Variants in DIAPH2 observed in about 807,000 individuals in gnomAD.
DIAPH2 encodes protein diaphanous homolog 2.
DIAPH2 carries 35 observed loss-of-function variants against 92.7 expected under a neutral mutation model. The observed-to-expected ratio is 0.38, with a 90% CI of 0.29 to 0.50. DIAPH2 has a LOEUF of 0.50. Among genes scored for constraint, DIAPH2 ranks in the 20% least tolerant of loss-of-function variants. DIAPH2 has a pLI of 0.94. For synonymous variants in DIAPH2, 301 were observed against 280.4 expected (o/e 1.07, Z -0.73); for missense variants, 701 against 819.5 (o/e 0.86, Z 1.77).
At chrX:97,238,827 G>A (rs2068069499) in intron 22 of DIAPH2, among the ~76,000 whole-genome samples, 1 of 111,613 alleles carries the variant, frequency 9.0e-6, no homozygotes, top group Admixed American at 9.6e-5. Flanking sequence ...TGCTTGTAAT[G>A]TTCCTTTTCT....
At chrX:97,157,849 T>A (rs2067335961) in intron 22 of DIAPH2, among the ~76,000 whole-genome samples, 1 of 112,284 alleles carries the variant, frequency 8.9e-6, no homozygotes, top group Admixed American at 9.5e-5. Context: ...TGTCTATATT[T>A]CTGTTCTCAA....
chrX:97,373,617 T>TG (rs1569377523), intron 24 of DIAPH2, among the ~76,000 whole-genome samples: 1 of 98,255 alleles, frequency 1.0e-5, no homozygotes, highest in African/African-American at 3.7e-5. Context: ...TTTTTTTTTT[T>TG]TTTTTTTGAG....
chrX:96,773,709 G>A (rs1338068755), intron 4 of DIAPH2, among the ~76,000 whole-genome samples: 2 of 110,998 alleles, frequency 1.8e-5, no homozygotes, highest in Non-Finnish European at 3.8e-5. Context: ...AATTAGCTGG[G>A]TGTGGTGGCA....
intron 1 of DIAPH2, among the ~76,000 whole-genome samples, chrX:96,701,010 A>G (rs1252071392): frequency 1.1e-4 from 12 of 111,816 alleles, no homozygotes; most frequent in African/African-American, 3.9e-4. Context: ...ATTGTCTCAT[A>G]TGCCTGAAAT....
In DIAPH2 at chrX:96,829,815, A is replaced by T. The variant is rs746264154; in HGVS notation, c.448-51764A>T. Among the ~76,000 whole-genome samples the T allele has an allele frequency of 6.3e-5, 7 of 111,020 alleles. No homozygotes were observed. In the East Asian group the frequency reaches 2.0e-3, roughly 31 times the overall value. ...AGGCCTAAATGATTGATAATGGAAT[A>T]AAAAGTCCTATTTAGTATAGTAATA... On this transcript the variant is annotated intron_variant, in intron 4 of 26. Transcript: ENST00000324765.
chrX:97,461,031 A>C (rs1301680949), intron 26 of DIAPH2, among the ~76,000 whole-genome samples: 1 of 112,064 alleles, frequency 8.9e-6, no homozygotes, highest in Non-Finnish European at 1.9e-5. Flanking sequence ...GTATGACCCT[A>C]CAGGGCCGAT....
At chrX:96,849,916 A>G (rs1175305169) in intron 4 of DIAPH2, among the ~76,000 whole-genome samples, 3 of 110,189 alleles carry the variant, frequency 2.7e-5, no homozygotes, top group African/African-American at 6.7e-5. Context: ...CTGAAAATGC[A>G]TAATAGTTCC....
intron 23 of DIAPH2, among the ~76,000 whole-genome samples, chrX:97,304,663 T>C (rs2068731891): frequency 8.9e-6 from 1 of 112,364 alleles, no homozygotes; most frequent in South Asian, 3.7e-4. Flanking sequence ...GTTGATAGCA[T>C]GATTCCTGCT....
At chrX:96,988,295 A>C (rs1404492462) in intron 17 of DIAPH2, among the ~76,000 whole-genome samples, 1 of 110,781 alleles carries the variant, frequency 9.0e-6, no homozygotes, top group African/African-American at 3.3e-5. Flanking sequence ...TATGATGGGA[A>C]AGTACTTAGG....
At chrX:97,090,334 T>TTTTTG (rs1242933185) in intron 19 of DIAPH2, among the ~76,000 whole-genome samples, 11 of 65,237 alleles carry the variant, frequency 1.7e-4, no homozygotes, top group African/African-American at 6.8e-4. Context: ...TTTTTTTTTT[T>TTTTTG]GAGAAAGAGC....
chrX:97,192,293 CAAAAA>C (rs773665704), intron 22 of DIAPH2, among the ~76,000 whole-genome samples: 12 of 32,384 alleles, frequency 3.7e-4, no homozygotes, highest in African/African-American at 1.1e-3. Context: ...GACTCCGTCT[CAAAAA>C]AAAAAAAAAA....
intron 4 of DIAPH2, among the ~76,000 whole-genome samples, chrX:96,804,353 TCTCTCTGCCTCTGCCATC>T (rs1363852487): frequency 8.9e-6 from 1 of 111,938 alleles, no homozygotes; most frequent in African/African-American, 3.3e-5. Flanking sequence ...ATTCATTTTC[TCTCTCTGCCTCTGCCATC>T]CTCTCTACCA....
chrX:97,246,846 C>A lies in DIAPH2; in HGVS notation c.2720-869C>A, dbSNP rs190328157. Among the ~76,000 whole-genome samples the A allele has an allele frequency of 6.6e-3, 740 of 112,136 alleles. 2 individuals are homozygous for A. Among genetic ancestry groups the A allele is most frequent in the African/African-American group, 0.023 (701 of 30,890 alleles). On this transcript the variant is annotated intron_variant, in intron 22 of 26. Coordinates refer to ENST00000324765, the MANE Select transcript of DIAPH2 (RefSeq NM_006729.5). ...GTCCATCAAATTATAACACTTACCT[C>A]ATCTTTGCAACTAGAATCTTGCCAA...
intron 22 of DIAPH2, among the ~76,000 whole-genome samples, chrX:97,202,997 G>A (rs2067765680): frequency 8.9e-6 from 1 of 112,108 alleles, no homozygotes; most frequent in African/African-American, 3.2e-5. Flanking sequence ...AATCAAATTA[G>A]AACTCAGGAT....
At chrX:97,047,542 C>CTTTTTTTTTTTTTTT (rs5903064) in intron 17 of DIAPH2, among the ~76,000 whole-genome samples, 1 of 30,109 alleles carries the variant, frequency 3.3e-5, no homozygotes, top group African/African-American at 1.6e-4. Context: ...ATAAAATAGG[C>CTTTTTTTTTTTTTTT]TTTTTTTTTT....
intron 17 of DIAPH2, among the ~76,000 whole-genome samples, chrX:97,000,631 A>G (rs1399402421): frequency 9.1e-6 from 1 of 110,495 alleles, no homozygotes; most frequent in Non-Finnish European, 1.9e-5. Context: ...ACACACACAC[A>G]CACACACACA....
chrX:97,547,470 G>T (rs1157744408), intron 26 of DIAPH2, among the ~76,000 whole-genome samples: 1 of 112,026 alleles, frequency 8.9e-6, no homozygotes, highest in Non-Finnish European at 1.9e-5. Context: ...CTGACCTGTG[G>T]ATAATTGAGA....
intron 22 of DIAPH2, among the ~76,000 whole-genome samples, chrX:97,160,961 G>C (rs957721005): frequency 9.1e-6 from 1 of 109,866 alleles, no homozygotes; most frequent in African/African-American, 3.3e-5. Context: ...CATTTCCTTT[G>C]AATTCTTCTT....
At chrX:97,338,338 G>T (rs1339688685) in intron 23 of DIAPH2, among the ~76,000 whole-genome samples, 1 of 111,795 alleles carries the variant, frequency 8.9e-6, no homozygotes, top group East Asian at 2.8e-4. Flanking sequence ...TGTGTGGTTT[G>T]TAAGTTTCAC....
Sources: allele counts gnomAD v4.1 joint callset (sites outside exome capture counted in the v4.1 genomes callset), GRCh38; gene constraint gnomAD v4.1.1; transcripts MANE v1.5; gene names NCBI Gene and HGNC (gene_info 2026-07-23, HGNC 2026-07-21).